The following RBFOX1 variants were observed in gnomAD, a reference collection of about 807,000 sequenced individuals.
RBFOX1 encodes the protein RNA binding protein fox-1 homolog 1.
RBFOX1 carries 8 observed loss-of-function variants against 57.7 expected under a neutral mutation model. The ratio of observed to expected loss-of-function variants is 0.14; its 90% CI spans 0.08 to 0.25. The LOEUF (loss-of-function observed/expected upper bound fraction) is 0.25, where lower values mean the gene tolerates loss of function less well. RBFOX1 is among the 10% of genes least tolerant of loss of function. The pLI, the probability that RBFOX1 is intolerant of heterozygous loss-of-function variation, is 1.00. For synonymous variants in RBFOX1, 326 were observed against 222.4 expected, an observed-to-expected ratio of 1.47 and a Z score of -4.15; for missense variants, 611 against 548.5, an observed-to-expected ratio of 1.11 and a Z score of -1.14.
In RBFOX1 at chr16:5,759,170, C is replaced by T. The variant is rs148583022; in HGVS notation, c.319-108133C>T. Among the ~76,000 whole-genome samples the T allele has an allele frequency of 4.2e-3, 636 of 152,262 alleles. 6 individuals are homozygous for T. Among genetic ancestry groups the T allele is most frequent in the African/African-American group, 0.014 (598 of 41,534 alleles). On this transcript the variant is annotated intron_variant, in intron 3 of 19. Coordinates refer to the RBFOX1 transcript ENST00000641259. Reference sequence around the variant, plus strand: ...GCAGTATCAGTAGGGGTTCATTAGCCTAACTTCCTATCCACGAAGGCAAGG... The same window carrying T: ...GCAGTATCAGTAGGGGTTCATTAGCTTAACTTCCTATCCACGAAGGCAAGG...
intron 3 of RBFOX1, among the ~76,000 whole-genome samples, chr16:6,904,377 G>C (rs893843474): frequency 2.0e-5 from 3 of 151,898 alleles, no homozygotes; most frequent in African/African-American, 7.3e-5. Flanking sequence ...CAGGTGGGAG[G>C]ATAAGTTGAG....
chr16:5,691,013 C>G (rs2050660331), intron 3 of RBFOX1, among the ~76,000 whole-genome samples: 2 of 152,058 alleles, frequency 1.3e-5, no homozygotes. Context: ...CCTCTTTACC[C>G]CAGAACAAAA....
At chr16:5,484,381 G>A (rs566824630) in intron 2 of RBFOX1, among the ~76,000 whole-genome samples, 21 of 152,348 alleles carry the variant, frequency 1.4e-4, no homozygotes, top group African/African-American at 5.0e-4. Flanking sequence ...CTTAGTGAGA[G>A]CAAATGAGTG....
intron 3 of RBFOX1, among the ~76,000 whole-genome samples, chr16:6,764,438 C>G (rs1336113025): frequency 2.0e-5 from 3 of 152,154 alleles, no homozygotes; most frequent in African/African-American, 4.8e-5. Context: ...TGCAGGTTAG[C>G]TTGATGAGCA....
chr16:6,719,349 C>A (rs1264227514), intron 3 of RBFOX1, among the ~76,000 whole-genome samples: 1 of 152,026 alleles, frequency 6.6e-6, no homozygotes, highest in Non-Finnish European at 1.5e-5. Flanking sequence ...TCAGAAAAGA[C>A]CCCAGTGTTA....
chr16:5,840,222 C>T (rs954183708), intron 3 of RBFOX1, among the ~76,000 whole-genome samples: 44 of 152,202 alleles, frequency 2.9e-4, no homozygotes, highest in Non-Finnish European at 2.9e-5. Context: ...TTTTCCTTGG[C>T]ATCTCAGTCT....
intron 4 of RBFOX1, among the ~76,000 whole-genome samples, chr16:7,386,989 C>A (rs1453317666): frequency 6.6e-6 from 1 of 152,180 alleles, no homozygotes; most frequent in East Asian, 1.9e-4. Context: ...TGATAAAGAG[C>A]ATTTATTCAT....
At chr16:6,530,382 C>G (rs1184320547) in intron 2 of RBFOX1, among the ~76,000 whole-genome samples, 2 of 152,204 alleles carry the variant, frequency 1.3e-5, no homozygotes, top group African/African-American at 4.8e-5. Flanking sequence ...TTTGGTGCTA[C>G]ATTCCAAGAG....
At chr16:7,645,652 C>T (rs2063603269) in intron 11 of RBFOX1, among the ~76,000 whole-genome samples, 1 of 152,170 alleles carries the variant, frequency 6.6e-6, no homozygotes, top group Admixed American at 6.5e-5. Context: ...CCATGTGGAG[C>T]ATGGTGATTA....
intron 4 of RBFOX1, among the ~76,000 whole-genome samples, chr16:7,393,005 C>G (rs1346452660): frequency 6.6e-6 from 1 of 152,136 alleles, no homozygotes; most frequent in African/African-American, 2.4e-5. Context: ...TCCCGTATAG[C>G]TGGGACTACA....
At chr16:5,727,782 G>T (rs2052208279) in intron 3 of RBFOX1, among the ~76,000 whole-genome samples, 1 of 152,110 alleles carries the variant, frequency 6.6e-6, no homozygotes, top group Admixed American at 6.6e-5. Context: ...CAAACTTCTG[G>T]ATTCACGTGA....
At chr16:6,972,113 A>AC (rs2085694195) in intron 3 of RBFOX1, among the ~76,000 whole-genome samples, 1 of 152,232 alleles carries the variant, frequency 6.6e-6, no homozygotes, top group Non-Finnish European at 1.5e-5. Flanking sequence ...AAAGCACACA[A>AC]CATCTAACCA....
chr16:7,335,222 G>A (rs1178323767), intron 4 of RBFOX1, among the ~76,000 whole-genome samples: 1 of 152,206 alleles, frequency 6.6e-6, no homozygotes, highest in South Asian at 2.1e-4. Flanking sequence ...CATTGCTGCA[G>A]ACTCCACTTG....
At chr16:6,626,691 C>G (rs2098312715) in intron 2 of RBFOX1, among the ~76,000 whole-genome samples, 1 of 152,006 alleles carries the variant, frequency 6.6e-6, no homozygotes, top group Non-Finnish European at 1.5e-5. Flanking sequence ...ACCCGGGAGA[C>G]AGAGGTTGCA....
chr16:5,567,711 C>G (rs2046123584), intron 2 of RBFOX1, among the ~76,000 whole-genome samples: 1 of 144,174 alleles, frequency 6.9e-6, no homozygotes, highest in Non-Finnish European at 1.5e-5. Flanking sequence ...ACTGTCATTG[C>G]TGACATCATC....
chr16:7,063,967 A>T (rs1338738519), intron 4 of RBFOX1, among the ~76,000 whole-genome samples: 2 of 152,190 alleles, frequency 1.3e-5, no homozygotes, highest in African/African-American at 2.4e-5. Flanking sequence ...ACCAAGGTCC[A>T]TGGATATGGA....
At chr16:7,427,684 T>A (rs904550610) in intron 4 of RBFOX1, among the ~76,000 whole-genome samples, 10 of 151,944 alleles carry the variant, frequency 6.6e-5, no homozygotes, top group African/African-American at 2.4e-4. Flanking sequence ...TCTCTCTGTT[T>A]CCCAGGCTAG....
intron 3 of RBFOX1, among the ~76,000 whole-genome samples, chr16:5,675,354 G>T (rs1596699048): frequency 6.6e-6 from 1 of 152,120 alleles, no homozygotes; most frequent in African/African-American, 2.4e-5. Flanking sequence ...ATTTACTACT[G>T]ATCATTTCTA....
intron 3 of RBFOX1, among the ~76,000 whole-genome samples, chr16:6,700,568 G>T (rs1372538377): frequency 6.6e-6 from 1 of 152,064 alleles, no homozygotes; most frequent in Non-Finnish European, 1.5e-5. Context: ...TGAGGCAAGA[G>T]AATTGCTTGA....
Sources: gnomAD v4.1 joint callset for allele counts (sites outside exome capture counted in the v4.1 genomes callset) on GRCh38, gnomAD v4.1.1 for gene constraint, MANE v1.5 for transcripts, NCBI Gene and HGNC (gene_info 2026-07-23, HGNC 2026-07-21) for gene names.